PTPRD: variants seen among roughly 807,000 people sequenced by gnomAD.
PTPRD encodes the protein protein tyrosine phosphatase receptor type D.
PTPRD carries 34 observed loss-of-function variants against 214.5 expected under a neutral mutation model. The ratio of observed to expected loss-of-function variants is 0.16; its 90% confidence interval spans 0.12 to 0.21. The LOEUF (loss-of-function observed/expected upper bound fraction) is 0.21, where lower values mean the gene tolerates loss of function less well. Ranked by LOEUF, PTPRD falls within the 10% of genes least tolerant of loss-of-function variation. The pLI is 1.00. For missense variants in PTPRD, 2,545 were observed against 2,398.7 expected (o/e 1.06, Z -1.27); for synonymous variants, 1,128 against 845.7 (o/e 1.33, Z -5.79).
chr9:8,920,915 G>T (rs1282255699), intron 11 of PTPRD, among the ~76,000 whole-genome samples: 1 of 152,148 alleles, frequency 6.6e-6, no homozygotes, highest in Non-Finnish European at 1.5e-5. Flanking sequence ...ACAGGATCAA[G>T]CGATTCTCCT....
intron 36 of PTPRD, among the ~76,000 whole-genome samples, chr9:8,397,279 G>C (rs923984654): frequency 6.6e-6 from 1 of 152,018 alleles, no homozygotes; most frequent in Non-Finnish European, 1.5e-5. Context: ...GGAGAAAAAG[G>C]GATCATATTT....
chr9:8,876,227 T>TG (rs1334672990), intron 11 of PTPRD, among the ~76,000 whole-genome samples: 2 of 152,010 alleles, frequency 1.3e-5, no homozygotes, highest in Admixed American at 6.6e-5. Flanking sequence ...TGTGTGTGTG[T>TG]TGTTGTTGTT....
intron 8 of PTPRD, among the ~76,000 whole-genome samples, chr9:9,543,670 C>T (rs2078110139): frequency 6.6e-6 from 1 of 151,396 alleles, no homozygotes; most frequent in African/African-American, 2.4e-5. Context: ...AGGATCAAGG[C>T]CATCAACCTT....
chr9:9,673,404 G>T (rs2096867424), intron 7 of PTPRD, among the ~76,000 whole-genome samples: 1 of 151,404 alleles, frequency 6.6e-6, no homozygotes, highest in Non-Finnish European at 1.5e-5. Context: ...TAGAACTCTG[G>T]AAAAAAAGGA....
intron 9 of PTPRD, among the ~76,000 whole-genome samples, chr9:9,290,435 T>C (rs1172621663): frequency 1.3e-5 from 2 of 151,714 alleles, no homozygotes; most frequent in African/African-American, 4.8e-5. Context: ...TGTTTTTCTT[T>C]ACTATGCAGA....
At chr9:10,303,975 G>A (rs1367008881) in intron 3 of PTPRD, among the ~76,000 whole-genome samples, 1 of 152,080 alleles carries the variant, frequency 6.6e-6, no homozygotes, top group African/African-American at 2.4e-5. Context: ...GATAATTTCA[G>A]GCTAATATCC....
chr9:8,753,664 AC>A (rs1427424723), intron 11 of PTPRD, among the ~76,000 whole-genome samples: 1 of 152,220 alleles, frequency 6.6e-6, no homozygotes, highest in Non-Finnish European at 1.5e-5. Context: ...AATATAAGAA[AC>A]CAACTGTATT....
intron 11 of PTPRD, among the ~76,000 whole-genome samples, chr9:8,956,438 T>A (rs2099132101): frequency 6.6e-6 from 1 of 151,942 alleles, no homozygotes; most frequent in African/African-American, 2.4e-5. Context: ...ATAATCTATT[T>A]TTCTTTTTCT....
intron 3 of PTPRD, among the ~76,000 whole-genome samples, chr9:10,048,111 A>G (rs1423550015): frequency 6.6e-6 from 1 of 152,196 alleles, no homozygotes; most frequent in East Asian, 1.9e-4. Flanking sequence ...AAGGTTTCCT[A>G]CGTGAGACAG....
At chr9:10,192,154 C>T (rs1212267415) in intron 3 of PTPRD, among the ~76,000 whole-genome samples, 1 of 152,050 alleles carries the variant, frequency 6.6e-6, no homozygotes, top group Non-Finnish European at 1.5e-5. Flanking sequence ...AGAGTAATGA[C>T]CCTTAGGTTG....
chr9:9,005,849 G>A (rs1589658831), intron 11 of PTPRD, among the ~76,000 whole-genome samples: 1 of 151,872 alleles, frequency 6.6e-6, no homozygotes, highest in Admixed American at 6.6e-5. Flanking sequence ...CAGTGGCTGG[G>A]CTACTATTCT....
intron 11 of PTPRD, among the ~76,000 whole-genome samples, chr9:8,961,227 C>T (rs2099157016): frequency 1.3e-5 from 2 of 151,938 alleles, no homozygotes; most frequent in East Asian, 1.9e-4. Flanking sequence ...TCCAGGTGGA[C>T]AAGGAAAAGA....
At chr9:9,906,751 T>C (rs2077679435) in intron 5 of PTPRD, among the ~76,000 whole-genome samples, 1 of 151,916 alleles carries the variant, frequency 6.6e-6, no homozygotes, top group Non-Finnish European at 1.5e-5. Flanking sequence ...AACCCACTTT[T>C]CAAAAGTGTA....
chr9:10,304,120 A>AAT (rs1312496674), intron 3 of PTPRD, among the ~76,000 whole-genome samples: 8 of 152,220 alleles, frequency 5.3e-5, no homozygotes, highest in Non-Finnish European at 1.2e-4. Flanking sequence ...TATGCAAATC[A>AAT]ATATATGTAA....
rs145512627 is a variant in PTPRD, at chr9:8,759,004, A to G, written c.-103-25058T>C. ...CTGGCCTAACAGGGTCATTTTTTTA[A>G]GCTCACAAAGGTGTTCTTTGGTTTT... On this transcript the variant is annotated intron_variant, in intron 11 of 45. Transcript: ENST00000381196. Among the ~76,000 whole-genome samples, 429 of 149,940 alleles carry G rather than the reference A, an allele frequency of 2.9e-3. 5 individuals are homozygous for G. The highest frequency in any genetic ancestry group is 0.024 in the Admixed American group (359 of 15,072).
At chr9:9,624,088 A>G (rs1422311124) in intron 7 of PTPRD, among the ~76,000 whole-genome samples, 3 of 152,200 alleles carry the variant, frequency 2.0e-5, no homozygotes, top group Non-Finnish European at 4.4e-5. Context: ...GTCATAATCA[A>G]ATGTCCTTAT....
At chr9:9,906,605 T>G (rs918442330) in intron 5 of PTPRD, among the ~76,000 whole-genome samples, 2 of 151,996 alleles carry the variant, frequency 1.3e-5, no homozygotes, top group African/African-American at 4.8e-5. Flanking sequence ...ATACTACACT[T>G]AAATAATTCC....
intron 11 of PTPRD, among the ~76,000 whole-genome samples, chr9:8,812,120 T>C (rs1229672142): frequency 6.6e-6 from 1 of 151,816 alleles, no homozygotes; most frequent in Non-Finnish European, 1.5e-5. Context: ...AGAGAAAAAA[T>C]AAGTACTCAT....
chr9:9,718,467 C>T (rs376780417), intron 7 of PTPRD, among the ~76,000 whole-genome samples: 13 of 152,136 alleles, frequency 8.5e-5, no homozygotes, highest in African/African-American at 2.4e-4. Flanking sequence ...GGGAGCCCTG[C>T]GCCCAACTAA....
Sources: gnomAD v4.1 joint callset for allele counts (sites outside exome capture counted in the v4.1 genomes callset) on GRCh38, gnomAD v4.1.1 for gene constraint, MANE v1.5 for transcripts, NCBI Gene and HGNC (gene_info 2026-07-23, HGNC 2026-07-21) for gene names.